Variants in CACNA1C observed in about 807,000 individuals in gnomAD.
CACNA1C encodes voltage-dependent L-type calcium channel subunit alpha-1C.
Under a neutral mutation model 229.0 loss-of-function variants are expected in CACNA1C, and 30 were observed. That is an observed-to-expected ratio of 0.13 (90% CI 0.10 to 0.18). The LOEUF (loss-of-function observed/expected upper bound fraction) is 0.18, where lower values mean the gene tolerates loss of function less well. Ranked by LOEUF, CACNA1C falls within the 10% of genes least tolerant of loss-of-function variation. CACNA1C has a pLI of 1.00. For missense variants in CACNA1C, 1,658 were observed against 2,845.0 expected, an observed-to-expected ratio of 0.58 and a Z score of 9.49; for synonymous variants, 1,114 against 1,132.5, an observed-to-expected ratio of 0.98 and a Z score of 0.33.
At chr12:2,259,872 G>A (rs577427293) in intron 3 of CACNA1C, among the ~76,000 whole-genome samples, 1 of 152,222 alleles carries the variant, frequency 6.6e-6, no homozygotes, top group Non-Finnish European at 1.5e-5. Context: ...GGAGGTGGAG[G>A]CTGCAGTGAG....
chr12:2,491,079 G>A (rs1018316355), intron 6 of CACNA1C, among the ~76,000 whole-genome samples: 1 of 152,202 alleles, frequency 6.6e-6, no homozygotes, highest in African/African-American at 2.4e-5. Context: ...ATATGCAGCA[G>A]CACGGATGAA....
At chr12:2,522,038 C>T (rs1345785392) in intron 9 of CACNA1C, among the ~76,000 whole-genome samples, 2 of 152,210 alleles carry the variant, frequency 1.3e-5, no homozygotes, top group Non-Finnish European at 2.9e-5. Flanking sequence ...CTGCTGCTGT[C>T]CTGTTTCTGC....
At chr12:2,035,097 G>A (rs1764621656) in intron 1 of CACNA1C, among the ~76,000 whole-genome samples, 1 of 152,166 alleles carries the variant, frequency 6.6e-6, no homozygotes, top group Admixed American at 6.5e-5. Context: ...GCGGAGATGC[G>A]CGGAGACCGC....
chr12:1,972,939 C>T (rs2154458895), intron 1 of CACNA1C, among the ~76,000 whole-genome samples: 1 of 152,310 alleles, frequency 6.6e-6, no homozygotes, highest in South Asian at 2.1e-4. Context: ...AGCAATGACG[C>T]TGCCTGTGTG....
At chr12:2,081,175 A>C (rs777136984) in intron 1 of CACNA1C, among the ~76,000 whole-genome samples, 3 of 152,240 alleles carry the variant, frequency 2.0e-5, no homozygotes, top group Non-Finnish European at 4.4e-5. Flanking sequence ...ATCAACCACA[A>C]CAGACGCCAG....
At position 2,346,824 on chromosome 12, in the gene CACNA1C, G is replaced by A. The variant is rs1425633548; in HGVS notation, c.478-102152G>A. Among the ~76,000 whole-genome samples, 1 of 152,202 alleles carries A rather than the reference G, an allele frequency of 6.6e-6. No homozygotes were observed. Among genetic ancestry groups the A allele is most frequent in the African/African-American group, 2.4e-5 (1 of 41,448 alleles). ...CATATACACAAATACATACAAAGCA[G>A]TGTGTATGTGGCAATCATTTGGTGC... is the stretch of plus-strand genomic sequence containing the variant. On this transcript the variant is annotated intron_variant, in intron 3 of 46. Transcript: ENST00000399655. This position sits in a 1 kb window ranked among gnomAD's most constrained non-coding sequence, Gnocchi z 4.4.
Position 2,453,180 on chromosome 12 carries a change from C to T in CACNA1C, c.617+4065C>T, listed in dbSNP as rs142873306. ...ACTAGAGGAGCCAGAACGCCAGTCA[C>T]GCAGCCAGTCTGTGCCTGGGGGCCT... On this transcript the variant is annotated intron_variant, in intron 4 of 46. Transcript: ENST00000399655. Among the ~76,000 whole-genome samples the T allele has an allele frequency of 1.3e-4, 20 of 152,244 alleles. No homozygotes were observed. In the East Asian group the frequency reaches 2.5e-3, roughly 19 times the overall value.
intron 4 of CACNA1C, among the ~76,000 whole-genome samples, chr12:2,450,370 C>T (rs1971669): frequency 0.56 from 85,269 of 150,964 alleles, 24,304 homozygotes; most frequent in East Asian, 0.77. Context: ...CTGGCTAACA[C>T]GGTGAAACCC....
At chr12:2,074,564 A>G (rs1204070614) in intron 1 of CACNA1C, among the ~76,000 whole-genome samples, 5 of 151,980 alleles carry the variant, frequency 3.3e-5, no homozygotes, top group African/African-American at 1.2e-4. Flanking sequence ...CCTCTGGGAG[A>G]TGGAAATTTC....
At chr12:2,052,664 G>C (rs988288150), upstream of CACNA1C, among the ~76,000 whole-genome samples, 2 of 143,858 alleles carry the variant, frequency 1.4e-5, no homozygotes, top group African/African-American at 5.0e-5. Flanking sequence ...GCGCGCCCCG[G>C]CCTCCCCGGG....
intron 3 of CACNA1C, among the ~76,000 whole-genome samples, chr12:2,384,839 CTTGGCT>C (rs1195579866): frequency 6.6e-6 from 1 of 152,210 alleles, no homozygotes; most frequent in Non-Finnish European, 1.5e-5. Flanking sequence ...AAGCCCACTC[CTTGGCT>C]TAGCAAATCT....
At chr12:2,148,332 G>A (rs1445641265) in intron 3 of CACNA1C, among the ~76,000 whole-genome samples, 2 of 151,290 alleles carry the variant, frequency 1.3e-5, no homozygotes, top group East Asian at 3.9e-4. Flanking sequence ...TTATGGGCAA[G>A]AGGGCGTCTG....
chr12:2,591,076 TGTCTTGCTG>T (rs1489449967), intron 18 of CACNA1C, among the ~76,000 whole-genome samples: 3 of 152,206 alleles, frequency 2.0e-5, no homozygotes, highest in African/African-American at 7.2e-5. Flanking sequence ...AAATATTAAT[TGTCTTGCTG>T]GTCAGCTCTA....
chr12:2,426,988 G>A (rs535018604), intron 3 of CACNA1C, among the ~76,000 whole-genome samples: 4 of 152,362 alleles, frequency 2.6e-5, no homozygotes, highest in Admixed American at 1.3e-4. Flanking sequence ...AGATTGAAGA[G>A]ATGAGGAAAT....
At chr12:2,396,227 C>A (rs886682888) in intron 3 of CACNA1C, among the ~76,000 whole-genome samples, 1 of 152,148 alleles carries the variant, frequency 6.6e-6, no homozygotes, top group African/African-American at 2.4e-5. Context: ...CAGTGACACA[C>A]ATCTGTTCAA....
chr12:2,037,084 TA>T (rs2049282525), intron 1 of CACNA1C, among the ~76,000 whole-genome samples: 1 of 152,188 alleles, frequency 6.6e-6, no homozygotes, highest in African/African-American at 2.4e-5. Flanking sequence ...TACCTTGCTT[TA>T]GGGGGCAGTT....
intron 3 of CACNA1C, among the ~76,000 whole-genome samples, chr12:2,391,631 C>A (rs1036714489): frequency 2.6e-5 from 4 of 152,060 alleles, no homozygotes; most frequent in Non-Finnish European, 5.9e-5. Flanking sequence ...GTAGCCTACT[C>A]CTTCTGAGTG....
At chr12:2,688,396 T>A in intron 45 of CACNA1C, 51 bp from the exon 46 acceptor site, 2 of 1,564,196 alleles carry the variant, frequency 1.3e-6, no homozygotes, top group Non-Finnish European at 1.8e-6. Context: ...GGGGCCTGCC[T>A]TGTTTGGGGT....
At chr12:2,091,946 T>G (rs1450271610) in intron 1 of CACNA1C, among the ~76,000 whole-genome samples, 2 of 152,212 alleles carry the variant, frequency 1.3e-5, no homozygotes, top group Non-Finnish European at 2.9e-5. Context: ...TGAGCTCCTG[T>G]GACCTCACCT....
Sources: allele counts gnomAD v4.1 joint callset (sites outside exome capture counted in the v4.1 genomes callset), GRCh38; gene constraint gnomAD v4.1.1; non-coding constraint Gnocchi (gnomAD v3.1); transcripts MANE v1.5; gene names NCBI Gene and HGNC (gene_info 2026-07-23, HGNC 2026-07-21).